Variants in TJP2 observed in about 807,000 individuals in gnomAD.
TJP2 encodes tight junction protein 2.
In TJP2, 91 loss-of-function variants were observed where a neutral mutation model predicts 133.1. That is an observed-to-expected ratio of 0.68 (90% CI 0.58 to 0.81). TJP2 has a LOEUF of 0.81. Among genes scored for constraint, TJP2 ranks in the 40% least tolerant of loss-of-function variants. The pLI is 0.00. For missense variants in TJP2, 1,541 were observed against 1,565.6 expected, an observed-to-expected ratio of 0.98 and a Z score of 0.26; for synonymous variants, 592 against 583.4, an observed-to-expected ratio of 1.01 and a Z score of -0.21.
intron 1 of TJP2, among the ~76,000 whole-genome samples, chr9:69,125,257 C>G (rs1822272429): frequency 1.4e-5 from 1 of 71,384 alleles, no homozygotes; most frequent in Non-Finnish European, 3.1e-5. Flanking sequence ...CCGGCCAAGT[C>G]AAAGTCTTTA....
chr9:69,220,790 G>A lies in TJP2; in HGVS notation c.343-97G>A, dbSNP rs994980552. ...AACCTTAGTGAGTCGGCAGGGATACGGTTTTCCTGAAACCAGAACCAGGGC... is the reference window on the plus strand; with the variant it reads ...AACCTTAGTGAGTCGGCAGGGATACAGTTTTCCTGAAACCAGAACCAGGGC... On this transcript the variant is annotated intron_variant, in intron 4 of 22. Coordinates refer to ENST00000377245, the MANE Select transcript of TJP2 (RefSeq NM_004817.4). 67 of 1,228,234 alleles carry A rather than the reference G, an allele frequency of 5.5e-5. No homozygotes were observed. In the South Asian group the frequency reaches 7.9e-4, roughly 14 times the overall value. The allele number at this position is 1,228,234 out of a possible 1,614,324, so 76.1% of individuals were successfully genotyped here.
intron 1 of TJP2, among the ~76,000 whole-genome samples, chr9:69,183,490 G>A (rs1825652229): frequency 1.3e-5 from 2 of 152,140 alleles, no homozygotes; most frequent in Non-Finnish European, 1.5e-5. Context: ...AAATTCATCC[G>A]TATTTGTTGC....
At chr9:69,163,020 A>ATTTTTTTTTTTTTTTTTTTTT (rs201502981) in intron 2 of TJP2, among the ~76,000 whole-genome samples, 1 of 86,014 alleles carries the variant, frequency 1.2e-5, no homozygotes, top group African/African-American at 4.3e-5. Flanking sequence ...AAGTATCTTT[A>ATTTTTTTTTTTTTTTTTTTTT]TTTTATTTTA....
chr9:69,136,890 G>A (rs1321985130), intron 1 of TJP2, among the ~76,000 whole-genome samples: 5 of 152,152 alleles, frequency 3.3e-5, no homozygotes, highest in Non-Finnish European at 7.4e-5. Context: ...GAAAGAGCAG[G>A]AGGAGAGGGA....
chr9:69,173,911 C>G (rs575220637), upstream of TJP2: 75 of 979,852 alleles, frequency 7.7e-5, no homozygotes, highest in African/African-American at 1.2e-3. Flanking sequence ...GGAGCGGGAC[C>G]TGCTTGCTCC....
chr9:69,221,080 G>T lies in TJP2; in HGVS notation c.536G>T (p.Arg179Leu). The change falls in exon 5 of 23, where the codon CGT becomes CTT. Residue 179 changes from arginine (R) to leucine (L), a missense_variant. By Grantham distance (102) the Arg-to-Leu change is moderately radical (BLOSUM62 -2). Coordinates refer to ENST00000377245, the MANE Select transcript of TJP2 (RefSeq NM_004817.4). ...RSWEDSPERG[R>L]PHERARSRER... ...TGGGAGGACAGCCCGGAAAGGGGGC[G>T]TCCCCATGAGCGGGCCCGGAGCCGG... The T allele has an allele frequency of 6.3e-7, 1 of 1,591,122 alleles. No homozygotes were observed. The highest frequency in any genetic ancestry group is 8.6e-7 in the Non-Finnish European group (1 of 1,169,376).
chr9:69,193,594 A>T (rs1826351936), intron 1 of TJP2, among the ~76,000 whole-genome samples: 1 of 146,282 alleles, frequency 6.8e-6, no homozygotes, highest in African/African-American at 2.6e-5. Context: ...AGTTTCACTC[A>T]GTTTATGTGA....
chr9:69,194,333 G>A (rs1469091926), intron 1 of TJP2, among the ~76,000 whole-genome samples: 1 of 152,030 alleles, frequency 6.6e-6, no homozygotes, highest in East Asian at 1.9e-4. Flanking sequence ...AAAGTTATAG[G>A]TCATTACACA....
chr9:69,212,527 G>A, intron 1 of TJP2, 21 bp from the exon 2 acceptor site: 1 of 1,595,554 alleles, frequency 6.3e-7, no homozygotes, highest in South Asian at 1.1e-5. Flanking sequence ...TCATCAGATT[G>A]GTTTTGTTCT....
intron 18 of TJP2, among the ~76,000 whole-genome samples, chr9:69,246,998 A>G (rs1830973213): frequency 1.3e-5 from 2 of 152,236 alleles, no homozygotes; most frequent in South Asian, 4.1e-4. Flanking sequence ...GTGCAGCCCT[A>G]CATTCACTTC....
chr9:69,121,536 G>A (rs1366631068), exon 1 of TJP2: 1 of 196,596 alleles, frequency 5.1e-6, no homozygotes, highest in Non-Finnish European at 9.2e-6. Context: ...GGCCGCTGGC[G>A]CCCTCCCATT....
At chr9:69,161,021 G>A (rs1379795824) in intron 2 of TJP2, among the ~76,000 whole-genome samples, 1 of 149,428 alleles carries the variant, frequency 6.7e-6, no homozygotes, top group Admixed American at 6.6e-5. Context: ...TACAAATGGG[G>A]TGAGAGATCC....
chr9:69,227,742 T>C lies in TJP2; in HGVS notation c.1211-23T>C, dbSNP rs758919585. On this transcript the variant is annotated intron_variant, in intron 7 of 22. Coordinates refer to ENST00000377245, the MANE Select transcript of TJP2 (RefSeq NM_004817.4). ...ATATTTTAAATATTTTATTTAAAAG[T>C]CTTTTCTTATTTTTGAAACTAGATA... is the stretch of plus-strand genomic sequence containing the variant. The C allele has an allele frequency of 1.8e-5, 27 of 1,469,300 alleles. No individual in the cohort carries two copies. In the Admixed American group the frequency reaches 3.0e-4, roughly 17 times the overall value. 91.0% of individuals were successfully genotyped at this position (1,469,300 alleles called of 1,614,324 possible). A position where few individuals can be genotyped will look rare whatever the true frequency, so the allele number is the denominator to read the frequency against.
intron 1 of TJP2, among the ~76,000 whole-genome samples, chr9:69,199,573 AG>A (rs1290957194): frequency 1.3e-5 from 2 of 152,132 alleles, no homozygotes; most frequent in Non-Finnish European, 2.9e-5. Flanking sequence ...CACGCACCAG[AG>A]GGAAACATCA....
At chr9:69,164,053 C>T (rs554003376) in intron 2 of TJP2, among the ~76,000 whole-genome samples, 10 of 152,246 alleles carry the variant, frequency 6.6e-5, no homozygotes, top group Non-Finnish European at 1.3e-4. Context: ...AGGACACTGT[C>T]TTATAGAACC....
chr9:69,132,285 C>T (rs778730183), intron 1 of TJP2, among the ~76,000 whole-genome samples: 15 of 152,232 alleles, frequency 9.9e-5, no homozygotes, highest in Non-Finnish European at 1.9e-4. Context: ...TCTTACCAGT[C>T]CTGGCAGTGG....
At chr9:69,199,523 C>A (rs978574525) in intron 1 of TJP2, among the ~76,000 whole-genome samples, 1 of 147,972 alleles carries the variant, frequency 6.8e-6, no homozygotes. Context: ...GAACAAGATC[C>A]TGTCTCAGAC....
At chr9:69,146,099 G>T (rs549930693) in intron 1 of TJP2, among the ~76,000 whole-genome samples, 49 of 152,194 alleles carry the variant, frequency 3.2e-4, no homozygotes, top group African/African-American at 1.1e-3. Context: ...TTTTGAAAAT[G>T]TTTTTTTAAC....
intron 18 of TJP2, 73 bp from the exon 19 acceptor site, chr9:69,247,939 G>C: frequency 1.4e-6 from 2 of 1,440,710 alleles, no homozygotes; most frequent in Non-Finnish European, 1.9e-6. Context: ...CTGTGTCCTT[G>C]GGAATTTTCT....
Sources: allele counts gnomAD v4.1 joint callset (sites outside exome capture counted in the v4.1 genomes callset), GRCh38; gene constraint gnomAD v4.1.1; transcripts MANE v1.5; gene names NCBI Gene and HGNC (gene_info 2026-07-23, HGNC 2026-07-21).